The following DLG2 variants were observed in gnomAD, a reference collection of about 807,000 sequenced individuals.
DLG2 encodes disks large homolog 2.
A neutral mutation model predicts 132.5 loss-of-function variants in DLG2; 45 were observed. The ratio of observed to expected loss-of-function variants is 0.34; its 90% CI spans 0.27 to 0.44. DLG2 has a LOEUF of 0.44. Ranked by LOEUF, DLG2 falls within the 20% of genes least tolerant of loss-of-function variation. The pLI is 1.00. For synonymous variants in DLG2, 424 were observed against 419.6 expected (o/e 1.01, Z -0.13); for missense variants, 1,045 against 1,196.9 (o/e 0.87, Z 1.87).
intron 7 of DLG2, among the ~76,000 whole-genome samples, chr11:84,376,966 G>A (rs1314696015): frequency 1.3e-5 from 2 of 152,064 alleles, no homozygotes; most frequent in Admixed American, 1.3e-4. Flanking sequence ...ATCATCAATA[G>A]ATTGTAAAAG....
At chr11:85,609,774 C>T (rs1177244864) in intron 2 of DLG2, among the ~76,000 whole-genome samples, 4 of 152,202 alleles carry the variant, frequency 2.6e-5, no homozygotes, top group Non-Finnish European at 5.9e-5. Context: ...TTGACTTCCT[C>T]CTGGACACTG....
intron 18 of DLG2, among the ~76,000 whole-genome samples, chr11:83,680,982 AG>A (rs1812406572): frequency 6.6e-6 from 1 of 152,214 alleles, no homozygotes; most frequent in African/African-American, 2.4e-5. Flanking sequence ...ACATGTAAAG[AG>A]AAATTACAAT....
intron 7 of DLG2, chr11:84,437,600 A>C (rs1400117644): frequency 1.3e-5 from 2 of 151,940 alleles, no homozygotes; most frequent in African/African-American, 4.8e-5. Flanking sequence ...CATGCTGGTT[A>C]GCTGAGGGAG....
intron 2 of DLG2, among the ~76,000 whole-genome samples, chr11:85,612,510 G>C (rs1311483563): frequency 6.6e-6 from 1 of 152,216 alleles, no homozygotes; most frequent in Non-Finnish European, 1.5e-5. Context: ...AAACTTTAAA[G>C]TACTTACAGA....
intron 3 of DLG2, among the ~76,000 whole-genome samples, chr11:85,426,376 C>A (rs577924817): frequency 1.0e-3 from 152 of 152,274 alleles, no homozygotes; most frequent in Non-Finnish European, 1.7e-3. Flanking sequence ...GAGGCACCCC[C>A]CAGTAGGGGC....
chr11:83,639,334 A>G (rs1186462153), intron 18 of DLG2, among the ~76,000 whole-genome samples: 1 of 152,190 alleles, frequency 6.6e-6, no homozygotes, highest in East Asian at 1.9e-4. Flanking sequence ...CTGGCTGCAT[A>G]GTATTCCATG....
At chr11:84,696,522 G>A (rs531684165) in intron 6 of DLG2, among the ~76,000 whole-genome samples, 20 of 151,434 alleles carry the variant, frequency 1.3e-4, no homozygotes, top group African/African-American at 2.4e-4. Flanking sequence ...AGCTAAGTTC[G>A]AAAGGTGAGC....
intron 7 of DLG2, among the ~76,000 whole-genome samples, chr11:84,527,645 T>G (rs1416245991): frequency 6.6e-6 from 1 of 152,198 alleles, no homozygotes; most frequent in African/African-American, 2.4e-5. Context: ...AAAAGGAGGC[T>G]TTAATCTTCC....
intron 6 of DLG2, chr11:84,891,026 T>C (rs1476362754): frequency 6.6e-6 from 1 of 152,196 alleles, no homozygotes; most frequent in Non-Finnish European, 1.5e-5. Flanking sequence ...CTTAGACTTT[T>C]TCTTACCATC....
At position 84,136,955 on chromosome 11, in the gene DLG2, C is replaced by A. The variant is rs1168141499; in HGVS notation, c.624+26506G>T. On this transcript the variant is annotated intron_variant, in intron 9 of 27. Transcript: ENST00000376104. ...CTGGCCTATTCAAGGGAACCTCATG[C>A]CAAATGCAGAACTGAAGGGAGGAGG... Among the ~76,000 whole-genome samples the A allele has an allele frequency of 2.6e-5, 4 of 152,054 alleles. No homozygotes were observed. The East Asian group carries it at 7.7e-4, about 29-fold the overall frequency.
chr11:83,798,351 C>T (rs566088771), intron 17 of DLG2, among the ~76,000 whole-genome samples: 34 of 152,250 alleles, frequency 2.2e-4, no homozygotes, highest in African/African-American at 7.7e-4. Flanking sequence ...AAATAAAATG[C>T]TTAAAATAAT....
intron 6 of DLG2, among the ~76,000 whole-genome samples, chr11:85,040,999 T>C (rs2061814865): frequency 6.6e-6 from 1 of 151,876 alleles, no homozygotes; most frequent in South Asian, 2.1e-4. Flanking sequence ...TTACATTATA[T>C]TGCCTCTCAA....
chr11:84,212,766 CT>C (rs2154313035), intron 8 of DLG2, among the ~76,000 whole-genome samples: 1 of 152,304 alleles, frequency 6.6e-6, no homozygotes, highest in African/African-American at 2.4e-5. Flanking sequence ...TCAAGCGAAT[CT>C]ACTGCCTCAG....
At chr11:84,464,552 A>G (rs946598077) in intron 7 of DLG2, among the ~76,000 whole-genome samples, 30 of 151,370 alleles carry the variant, frequency 2.0e-4, no homozygotes, top group African/African-American at 7.2e-4. Context: ...GACTTTAGGT[A>G]ATTTTTTTCA....
At chr11:85,161,598 G>C (rs995501616) in intron 4 of DLG2, among the ~76,000 whole-genome samples, 1 of 152,264 alleles carries the variant, frequency 6.6e-6, no homozygotes. Flanking sequence ...GTGGACTCAC[G>C]GAATGCCTTA....
intron 15 of DLG2, among the ~76,000 whole-genome samples, chr11:83,911,167 T>C (rs192919261): frequency 1.3e-5 from 2 of 152,056 alleles, no homozygotes; most frequent in East Asian, 1.9e-4. Context: ...CAAAGAAAGA[T>C]GGGAAAGTAG....
At chr11:84,750,871 C>T (rs1349288050) in intron 6 of DLG2, among the ~76,000 whole-genome samples, 4 of 152,046 alleles carry the variant, frequency 2.6e-5, no homozygotes, top group African/African-American at 9.7e-5. Context: ...TGAGGTAATC[C>T]AATTTGTTTT....
chr11:83,690,697 G>A (rs1006742211), intron 18 of DLG2, among the ~76,000 whole-genome samples: 16 of 151,436 alleles, frequency 1.1e-4, no homozygotes, highest in African/African-American at 3.9e-4. Context: ...TGGGGGGGGT[G>A]TCTGCAAACC....
chr11:83,837,500 G>C (rs986548423), intron 16 of DLG2, among the ~76,000 whole-genome samples: 34 of 152,050 alleles, frequency 2.2e-4, no homozygotes, highest in African/African-American at 8.0e-4. Flanking sequence ...CTAGCTCTCG[G>C]CATAGCACTA....
Sources: allele counts gnomAD v4.1 joint callset (sites outside exome capture counted in the v4.1 genomes callset), GRCh38; gene constraint gnomAD v4.1.1; transcripts MANE v1.5; gene names NCBI Gene and HGNC (gene_info 2026-07-23, HGNC 2026-07-21).